The following FAM200B variants were observed in gnomAD, a reference collection of about 807,000 sequenced individuals.
The protein encoded by FAM200B is zinc finger BED-type containing 11, also known as protein FAM200B.
A neutral mutation model predicts 33.1 loss-of-function variants in FAM200B; 32 were observed. The observed-to-expected ratio is 0.97, with a 90% confidence interval of 0.73 to 1.30. The LOEUF is 1.30. Ranked by LOEUF, FAM200B falls within the 50% of genes most tolerant of loss-of-function variation. FAM200B has a pLI of 0.00. For synonymous variants in FAM200B, 240 were observed against 264.8 expected, an observed-to-expected ratio of 0.91 and a Z score of 0.91; for missense variants, 741 against 754.0, an observed-to-expected ratio of 0.98 and a Z score of 0.20.
rs1381322570 is a variant in FAM200B, at chr4:15,689,760, G to A, written c.*809G>A. On this transcript the variant is annotated 3_prime_UTR_variant, in exon 2 of 2. Coordinates refer to ENST00000422728, the MANE Select transcript of FAM200B (RefSeq NM_001145191.2). ...CCACTGCAGTCCAGCCTGAGCAACAGAGTGAAACCCTGTCTCGAGAAAATT... is the reference window on the plus strand; with the variant it reads ...CCACTGCAGTCCAGCCTGAGCAACAAAGTGAAACCCTGTCTCGAGAAAATT... 1.8e-5 allele frequency: 3 copies of A among 163,836 alleles called. 1 individual carries two copies. Among genetic ancestry groups the A allele is most frequent in the South Asian group, 4.1e-4 (2 of 4,832 alleles). 10.1% of individuals were successfully genotyped at this position (163,836 alleles called of 1,614,324 possible). A position where few individuals can be genotyped will look rare whatever the true frequency, so the allele number is the denominator to read the frequency against.
At chr4:15,669,629 G>C in the FAM200B span, among the ~76,000 whole-genome samples, 1 of 152,108 alleles carries the variant, frequency 6.6e-6, no homozygotes, top group Non-Finnish European at 1.5e-5. Context: ...TGGCTTCAAT[G>C]ATCATCAACC....
upstream of FAM200B, among the ~76,000 whole-genome samples, chr4:15,679,577 A>C (rs1560256094): frequency 6.6e-6 from 1 of 150,548 alleles, no homozygotes; most frequent in African/African-American, 2.4e-5. Context: ...AAAAAAAAAA[A>C]CAAAAAAACA....
Position 15,682,272 on chromosome 4 carries a change from G to A in FAM200B, c.-743+371G>A, listed in dbSNP as rs372397701. ...GGAAACAAAGGGAAATGCAAGAGGT[G>A]GAAGGTAATTTTAAGTTAGTGGCAG... On this transcript the variant is annotated intron_variant, in intron 1 of 1. Transcript: ENST00000422728. 2.3e-4 allele frequency among the ~76,000 whole-genome samples: 35 copies of A among 152,316 alleles called. No individual in the cohort carries two copies. In the East Asian group the frequency reaches 6.2e-3, roughly 27 times the overall value.
the FAM200B span, among the ~76,000 whole-genome samples, chr4:15,668,464 T>C: frequency 6.6e-6 from 1 of 152,134 alleles, no homozygotes; most frequent in African/African-American, 2.4e-5. Context: ...TTCTTTTATT[T>C]TTTTTTGTAC....
the FAM200B span, among the ~76,000 whole-genome samples, chr4:15,663,118 G>T: frequency 6.6e-6 from 1 of 152,074 alleles, no homozygotes; most frequent in Non-Finnish European, 1.5e-5. Flanking sequence ...GTTTATTCTT[G>T]CCAGTCTTTT....
chr4:15,654,484 G>C, the FAM200B span, among the ~76,000 whole-genome samples: 1 of 152,154 alleles, frequency 6.6e-6, no homozygotes. Flanking sequence ...CTTTATTCGA[G>C]CTCATATAAA....
At chr4:15,678,244 A>G (rs1293261064), upstream of FAM200B, among the ~76,000 whole-genome samples, 2 of 152,150 alleles carry the variant, frequency 1.3e-5, no homozygotes, top group Non-Finnish European at 2.9e-5. Context: ...CTCATTTGCA[A>G]TTTTATCTTT....
the FAM200B span, among the ~76,000 whole-genome samples, chr4:15,664,718 C>G: frequency 6.6e-6 from 1 of 151,790 alleles, no homozygotes; most frequent in South Asian, 2.1e-4. Context: ...ATACCACGCC[C>G]GGCTAACTTT....
At chr4:15,656,203 TTCGGAGAGAAAACAAGG>T in the FAM200B span, 1 of 455,944 alleles carries the variant, frequency 2.2e-6, no homozygotes, top group East Asian at 6.9e-5. Flanking sequence ...TAAGCGGAGG[TTCGGAGAGAAAACAAGG>T]TCACTAACCC....
the FAM200B span, among the ~76,000 whole-genome samples, chr4:15,648,851 T>A: frequency 5.3e-5 from 8 of 152,148 alleles, no homozygotes; most frequent in Non-Finnish European, 1.0e-4. Context: ...TGAGAGTACA[T>A]CCTCTGTGTC....
chr4:15,655,644 G>C, the FAM200B span, among the ~76,000 whole-genome samples: 1 of 152,206 alleles, frequency 6.6e-6, no homozygotes, highest in African/African-American at 2.4e-5. Flanking sequence ...TGGCGCTCTC[G>C]GCGCTTCTCC....
chr4:15,654,215 T>C, the FAM200B span, among the ~76,000 whole-genome samples: 1 of 152,212 alleles, frequency 6.6e-6, no homozygotes, highest in African/African-American at 2.4e-5. Context: ...TAAAAGTTGA[T>C]TTCTATGCTT....
the FAM200B span, among the ~76,000 whole-genome samples, chr4:15,673,011 G>A: frequency 6.6e-6 from 1 of 152,200 alleles, no homozygotes; most frequent in African/African-American, 2.4e-5. Flanking sequence ...ACCCTGGAAG[G>A]TCTTCAAGGG....
chr4:15,675,034 G>GA, the FAM200B span, among the ~76,000 whole-genome samples: 12 of 149,420 alleles, frequency 8.0e-5, no homozygotes, highest in African/African-American at 1.5e-4. Context: ...TAGGAATCAC[G>GA]AAAAAAAAAG....
At chr4:15,676,656 G>C in the FAM200B span, among the ~76,000 whole-genome samples, 1 of 152,044 alleles carries the variant, frequency 6.6e-6, no homozygotes, top group Non-Finnish European at 1.5e-5. Flanking sequence ...CTGGCTGAGA[G>C]AAGGGTAGAG....
chr4:15,643,708 C>G, the FAM200B span, among the ~76,000 whole-genome samples: 1 of 152,176 alleles, frequency 6.6e-6, no homozygotes, highest in Non-Finnish European at 1.5e-5. Context: ...CACACTGCAC[C>G]TGGCTGGTAT....
the FAM200B span, among the ~76,000 whole-genome samples, chr4:15,665,299 C>G: frequency 1.3e-5 from 2 of 152,154 alleles, no homozygotes; most frequent in Non-Finnish European, 2.9e-5. Context: ...CCCCTACCTC[C>G]CTGGGCATCA....
the FAM200B span, among the ~76,000 whole-genome samples, chr4:15,667,106 A>C: frequency 6.6e-6 from 1 of 152,222 alleles, no homozygotes; most frequent in Non-Finnish European, 1.5e-5. Context: ...CTATTAAATA[A>C]TCTTGAAAAT....
chr4:15,679,986 G>A (rs970895810), upstream of FAM200B, among the ~76,000 whole-genome samples: 1 of 152,112 alleles, frequency 6.6e-6, no homozygotes, highest in Non-Finnish European at 1.5e-5. Flanking sequence ...TGGAAACAAC[G>A]CCAAGTGTCC....
Sources: allele counts gnomAD v4.1 joint callset (sites outside exome capture counted in the v4.1 genomes callset), GRCh38; gene constraint gnomAD v4.1.1; transcripts MANE v1.5; gene names NCBI Gene and HGNC (gene_info 2026-07-23, HGNC 2026-07-21).